ABTB2: variants seen among roughly 807,000 people sequenced by gnomAD.
ABTB2 encodes the protein ankyrin repeat and BTB/POZ domain-containing protein 2.
ABTB2 carries 56 observed loss-of-function variants against 104.1 expected under a neutral mutation model. The ratio of observed to expected loss-of-function variants is 0.54; its 90% CI spans 0.43 to 0.67. The LOEUF is 0.67. Ranked by LOEUF, ABTB2 falls within the 30% of genes least tolerant of loss-of-function variation. ABTB2 has a pLI of 0.00. For synonymous variants in ABTB2, 606 were observed against 608.2 expected, an observed-to-expected ratio of 1.00 and a Z score of 0.05; for missense variants, 1,279 against 1,407.7, an observed-to-expected ratio of 0.91 and a Z score of 1.46.
rs1853276141 is a variant in ABTB2 at position 34,197,508 on chromosome 11, A to C, written c.1061T>G (p.Met354Arg). ...CGGGCACAGGGGGTGACGCCCCTGC[A>C]TGTGGTGCATGGCACGGGAGACCAA... is the stretch of plus-strand genomic sequence containing the variant. ...SDLVSRAMHHMQGRHPLCPGA... is the reference protein window; with the variant it reads ...SDLVSRAMHHRQGRHPLCPGA... Residue 354 changes from methionine (M) to arginine (R), a missense_variant, in exon 3 of 17, where the codon ATG (methionine) becomes AGG (arginine). Coordinates refer to ENST00000435224, the MANE Select transcript of ABTB2 (RefSeq NM_145804.3). 1 of 1,577,936 alleles carries C rather than the reference A, an allele frequency of 6.3e-7. No individual in the cohort carries two copies.
intron 1 of ABTB2, among the ~76,000 whole-genome samples, chr11:34,332,410 G>A (rs1239127696): frequency 1.3e-5 from 2 of 152,118 alleles, no homozygotes; most frequent in Non-Finnish European, 2.9e-5. Flanking sequence ...AATCCTACAC[G>A]CAAAATTATT....
chr11:34,278,002 G>A (rs952032564), intron 1 of ABTB2, among the ~76,000 whole-genome samples: 9 of 151,052 alleles, frequency 6.0e-5, no homozygotes, highest in African/African-American at 2.2e-4. Flanking sequence ...ACAGGGTTTC[G>A]CTGTGTTGGC....
intron 1 of ABTB2, among the ~76,000 whole-genome samples, chr11:34,269,967 C>T (rs1854294165): frequency 6.6e-6 from 1 of 152,222 alleles, no homozygotes; most frequent in Non-Finnish European, 1.5e-5. Context: ...GAAAATCAAA[C>T]AAGTCAAATG....
At chr11:34,284,555 T>C (rs922261526) in intron 1 of ABTB2, among the ~76,000 whole-genome samples, 4 of 152,102 alleles carry the variant, frequency 2.6e-5, no homozygotes, top group Admixed American at 6.5e-5. Context: ...CTGGCTTCCA[T>C]GAAAGCTGAC....
intron 9 of ABTB2, among the ~76,000 whole-genome samples, 183 bp downstream of exon 9, chr11:34,164,503 C>T (rs936455041): frequency 6.6e-6 from 1 of 152,216 alleles, no homozygotes; most frequent in Non-Finnish European, 1.5e-5. Flanking sequence ...GTGGGGCCTC[C>T]CCCATCTCTG....
chr11:34,222,570 C>A (rs913731275), intron 1 of ABTB2, among the ~76,000 whole-genome samples: 2 of 152,078 alleles, frequency 1.3e-5, no homozygotes, highest in African/African-American at 4.8e-5. Context: ...TAACAGGCAC[C>A]CTCCAGCTTA....
chr11:34,195,076 G>GGGGGC (rs1554982309), intron 3 of ABTB2, among the ~76,000 whole-genome samples: 8 of 37,504 alleles, frequency 2.1e-4, no homozygotes, highest in African/African-American at 7.1e-4. Flanking sequence ...GATGCCCGGC[G>GGGGGC]GGGGGGGGGA....
chr11:34,173,812 G>T (rs1264083827), intron 3 of ABTB2, among the ~76,000 whole-genome samples: 1 of 152,178 alleles, frequency 6.6e-6, no homozygotes, highest in African/African-American at 2.4e-5. Context: ...CACCAGCAGG[G>T]TCAGGTCACC....
chr11:34,191,947 T>G (rs904505952), intron 3 of ABTB2, among the ~76,000 whole-genome samples: 7 of 152,150 alleles, frequency 4.6e-5, no homozygotes, highest in African/African-American at 1.7e-4. Context: ...CAAACCATCG[T>G]GCTGATAATC....
At chr11:34,199,209 C>G (rs1318414689) in intron 2 of ABTB2, among the ~76,000 whole-genome samples, 2 of 152,316 alleles carry the variant, frequency 1.3e-5, no homozygotes, top group East Asian at 3.9e-4. Flanking sequence ...CCATGACAGC[C>G]ACGGTGATGG....
chr11:34,339,911 C>T (rs1028186889), intron 1 of ABTB2, among the ~76,000 whole-genome samples: 10 of 152,100 alleles, frequency 6.6e-5, no homozygotes, highest in African/African-American at 2.4e-4. Context: ...CTGGGTGGTG[C>T]TTGTTAGCTT....
chr11:34,254,548 A>G (rs1162915119), intron 1 of ABTB2, among the ~76,000 whole-genome samples: 1 of 152,108 alleles, frequency 6.6e-6, no homozygotes, highest in African/African-American at 2.4e-5. Flanking sequence ...GTGCTCGGCC[A>G]ATGGAAGCTT....
At chr11:34,329,186 C>T (rs1409793079) in intron 1 of ABTB2, among the ~76,000 whole-genome samples, 1 of 152,228 alleles carries the variant, frequency 6.6e-6, no homozygotes, top group Non-Finnish European at 1.5e-5. Context: ...CAAATAAACA[C>T]TGAAGTCAGT....
At chr11:34,284,526 T>C (rs909627268) in intron 1 of ABTB2, among the ~76,000 whole-genome samples, 14 of 152,242 alleles carry the variant, frequency 9.2e-5, no homozygotes, top group African/African-American at 3.4e-4. Context: ...TAAATCGGCC[T>C]GCAAACAGGA....
At chr11:34,299,218 T>TG (rs1854666853) in intron 1 of ABTB2, among the ~76,000 whole-genome samples, 1 of 152,102 alleles carries the variant, frequency 6.6e-6, no homozygotes, top group Non-Finnish European at 1.5e-5. Flanking sequence ...GGGTTTGGAC[T>TG]GGGGGGCAGG....
intron 1 of ABTB2, chr11:34,242,452 G>A (rs958890962): frequency 2.6e-5 from 4 of 152,374 alleles, no homozygotes; most frequent in Admixed American, 1.3e-4. Context: ...GAGGGGCAGG[G>A]AGGTTGGTGA....
At chr11:34,318,102 G>A (rs1024619519) in intron 1 of ABTB2, among the ~76,000 whole-genome samples, 1 of 152,026 alleles carries the variant, frequency 6.6e-6, no homozygotes, top group African/African-American at 2.4e-5. Context: ...AAGTAGCTGG[G>A]ACTACACGCA....
At chr11:34,304,712 G>T (rs1042252053) in intron 1 of ABTB2, among the ~76,000 whole-genome samples, 1 of 151,910 alleles carries the variant, frequency 6.6e-6, no homozygotes, top group African/African-American at 2.4e-5. Flanking sequence ...GGAAGGGAGG[G>T]GAGGGAAAGA....
chr11:34,195,984 G>A (rs531939257), intron 3 of ABTB2, among the ~76,000 whole-genome samples: 1 of 152,280 alleles, frequency 6.6e-6, no homozygotes, highest in South Asian at 2.1e-4. Context: ...GTGGGGCACT[G>A]AGGCCCGTGG....
Sources: allele counts gnomAD v4.1 joint callset (sites outside exome capture counted in the v4.1 genomes callset), GRCh38; gene constraint gnomAD v4.1.1; transcripts MANE v1.5; gene names NCBI Gene and HGNC (gene_info 2026-07-23, HGNC 2026-07-21).